DVL1: variants seen among roughly 807,000 people sequenced by gnomAD.
DVL1 encodes segment polarity protein dishevelled homolog DVL-1.
DVL1 carries 49 observed loss-of-function variants against 65.0 expected under a neutral mutation model. The ratio of observed to expected loss-of-function variants is 0.75; its 90% CI spans 0.60 to 0.96. The LOEUF (loss-of-function observed/expected upper bound fraction) is 0.96. Among genes scored for constraint, DVL1 ranks in the 40% least tolerant of loss-of-function variants. The probability of loss-of-function intolerance (pLI) is 0.00; values close to 1 mark genes in which losing one functional copy is unlikely to be tolerated. For synonymous variants in DVL1, 608 were observed against 433.9 expected (o/e 1.40, Z -4.99); for missense variants, 1,197 against 1,045.4 (o/e 1.15, Z -2.00).
intron 13 of DVL1, 40 bp downstream of exon 13, chr1:1,338,229 T>TGGCCGCCCC: frequency 1.3e-6 from 2 of 1,522,364 alleles, no homozygotes; most frequent in Non-Finnish European, 1.8e-6. Context: ...CCTCCGGCGT[T>TGGCCGCCCC]CCCCTCCCCC....
In DVL1 at chr1:1,337,997, G is replaced by A. The variant is rs1468367170; in HGVS notation, c.1694C>T (p.Thr565Ile). The change falls in exon 14 of 15, where the codon ACC (threonine) becomes ATC (isoleucine). Residue 565 changes from threonine (T) to isoleucine (I), a missense_variant. Thr to Ile is a moderately conservative substitution (Grantham distance 89). Coordinates refer to ENST00000378888, the MANE Select transcript of DVL1 (RefSeq NM_001330311.2). The part of the protein sequence containing the change: ...DPGFSYGSGS[T>I]GSQQSEGSKS... Reference sequence around the variant, plus strand: ...CTCACCTTCACTCTGCTGACTCCCGGTGCTGCCGCTGCCATAGCTAAAGCC... The same window carrying A: ...CTCACCTTCACTCTGCTGACTCCCGATGCTGCCGCTGCCATAGCTAAAGCC... 5 of 1,611,528 alleles carry A rather than the reference G, an allele frequency of 3.1e-6. No homozygotes were observed. The highest frequency in any genetic ancestry group is 1.3e-5 in the African/African-American group (1 of 74,880).
At chr1:1,346,455 G>A (rs1489534928) in intron 1 of DVL1, among the ~76,000 whole-genome samples, 1 of 152,202 alleles carries the variant, frequency 6.6e-6, no homozygotes, top group Admixed American at 6.5e-5. Flanking sequence ...GCCCAAGGCT[G>A]GGCGAGACCC....
At chr1:1,340,954 T>C (rs1376518370) in intron 5 of DVL1, among the ~76,000 whole-genome samples, 23 of 106,162 alleles carry the variant, frequency 2.2e-4, no homozygotes, top group African/African-American at 3.8e-5. Context: ...CACGCACCCC[T>C]GCACACTACA....
At position 1,338,391 on chromosome 1, in the gene DVL1, T is replaced by C. The variant is rs751504519; in HGVS notation, c.1385A>G (p.Lys462Arg). 4.3e-6 allele frequency: 7 copies of C among 1,612,576 alleles called. No homozygotes were observed. Among genetic ancestry groups the C allele is most frequent in the East Asian group, 4.5e-5 (2 of 44,884 alleles). ...DWLYTHVEGF[K>R]ERREARKYAS... The stretch of plus-strand genomic sequence containing the variant: ...GTACTTCCGGGCCTCCCGCCGCTCC[T>C]TGAAGCCCTCCACGTGTGTGTACAG... Residue 462 changes from lysine (K) to arginine (R), a missense_variant, in exon 13 of 15, where the codon AAG becomes AGG. Transcript: ENST00000378888.
rs1430413476 is a variant in DVL1 at position 1,342,103 on chromosome 1, G to A, written c.416C>T (p.Ser139Phe). Reference sequence around the variant, plus strand: ...ACGCTCCCGCCGGTGACTGACCATGGACTCCGTGCCTGTCTCGTTGTCCAT... The same window carrying A: ...ACGCTCCCGCCGGTGACTGACCATGAACTCCGTGCCTGTCTCGTTGTCCAT... The part of the protein sequence containing the change: ...DGMDNETGTE[S>F]MVSHRRERAR... The change falls in exon 4 of 15, where the codon TCC (serine) becomes TTC (phenylalanine). Residue 139 changes from serine (S) to phenylalanine (F), a missense_variant. By Grantham distance (155) the Ser-to-Phe change is radical. Transcript: ENST00000378888. 1.9e-6 allele frequency: 3 copies of A among 1,595,784 alleles called. No individual in the cohort carries two copies. Among genetic ancestry groups the A allele is most frequent in the South Asian group, 1.1e-5 (1 of 87,996 alleles).
Position 1,338,381 on chromosome 1 carries a change from C to T in DVL1, c.1395G>A (p.Arg465=), listed in dbSNP as rs1432626397. 2 of 1,612,714 alleles carry T rather than the reference C, an allele frequency of 1.2e-6. No individual in the cohort carries two copies. Among genetic ancestry groups the T allele is most frequent in the Admixed American group, 1.7e-5 (1 of 60,012 alleles). The change falls in exon 13 of 15, where the codon CGG becomes CGA. Residue 465 remains arginine (R), a synonymous_variant. Transcript: ENST00000378888. Reference sequence around the variant, plus strand: ...AGCTGCTGGCGTACTTCCGGGCCTCCCGCCGCTCCTTGAAGCCCTCCACGT... The same window carrying T: ...AGCTGCTGGCGTACTTCCGGGCCTCTCGCCGCTCCTTGAAGCCCTCCACGT... ...YTHVEGFKER[R]EARKYASSLL... is the part of the protein sequence containing the mutation.
intron 1 of DVL1, among the ~76,000 whole-genome samples, chr1:1,343,700 G>A (rs185378703): frequency 2.0e-3 from 302 of 152,106 alleles, no homozygotes; most frequent in African/African-American, 7.2e-3. Flanking sequence ...CACCTACAAG[G>A]ACTCTCAGAC....
chr1:1,336,091 G>A lies in DVL1; in HGVS notation c.*51C>T. The stretch of plus-strand genomic sequence containing the variant: ...CAAGCCCACGCGAGCTCTGCATGCG[G>A]CAGGACCGCCAGCTCCCCACCTCAG... On this transcript the variant is annotated 3_prime_UTR_variant, in exon 15 of 15. Transcript: ENST00000378888. 4 of 1,547,680 alleles carry A rather than the reference G, an allele frequency of 2.6e-6. No individual in the cohort carries two copies. The highest frequency in any genetic ancestry group is 3.5e-6 in the Non-Finnish European group (4 of 1,152,972).
Position 1,342,692 on chromosome 1 carries a change from G to C in DVL1, c.237C>G (p.Ser79=). ...KLPCFNGRVV[S]WLVLAEGAHS... is the part of the protein sequence containing the mutation. The stretch of plus-strand genomic sequence containing the variant: ...GGGCCAAGACACAGGGGCTCACCCA[G>C]GAGACCACGCGGCCGTTGAAGCAGG... The change falls in exon 2 of 15, where the codon TCC becomes TCG. Residue 79 remains serine (S), a synonymous_variant. Transcript: ENST00000378888. 6.2e-7 allele frequency: 1 copy of C among 1,613,004 alleles called. No individual in the cohort carries two copies. The highest frequency in any genetic ancestry group is 8.5e-7 in the Non-Finnish European group (1 of 1,179,742).
chr1:1,340,867 GCACAGGCACACATGCA>G (rs1268917062), intron 5 of DVL1, among the ~76,000 whole-genome samples: 1 of 120,924 alleles, frequency 8.3e-6, no homozygotes, highest in Non-Finnish European at 1.6e-5. Context: ...GCACCCCTGC[GCACAGGCACACATGCA>G]CACCCCTGCA....
At chr1:1,344,272 C>T (rs973556496) in intron 1 of DVL1, among the ~76,000 whole-genome samples, 2 of 152,214 alleles carry the variant, frequency 1.3e-5, no homozygotes, top group South Asian at 2.1e-4. Context: ...TTGGCCTGGC[C>T]GCACACCTGG....
Position 1,336,427 on chromosome 1 carries a change from G to A in DVL1, c.1803C>T (p.Gly601=). The A allele has an allele frequency of 6.3e-7, 1 of 1,593,598 alleles. No individual in the cohort carries two copies. Among genetic ancestry groups the A allele is most frequent in the Non-Finnish European group, 8.5e-7 (1 of 1,175,822 alleles). ...TCGGTGCCGTGTGATCCGATTCACT[G>A]CCACTGCCCCCAGCTCCCGCCGCCC... ...ERRAAGAGGS[G]SESDHTAPSG... is the part of the protein sequence containing the mutation. Residue 601 remains glycine (G), a synonymous_variant, in exon 15 of 15, where the codon GGC becomes GGT. Transcript: ENST00000378888.
At chr1:1,338,460 C>T (rs369983320) in intron 12 of DVL1, 24 bp from the exon 13 acceptor site, 23 of 1,608,688 alleles carry the variant, frequency 1.4e-5, no homozygotes, top group South Asian at 2.2e-5. Flanking sequence ...GCGGTCAGCC[C>T]GCAGCCTCGA....
At chr1:1,336,955 G>C in intron 14 of DVL1, 1 of 973,948 alleles carries the variant, frequency 1.0e-6, no homozygotes, top group Non-Finnish European at 1.2e-6. Context: ...AGACGCAGTG[G>C]GAGCTGGAGG....
At chr1:1,342,512 G>T (rs1173198677) in intron 2 of DVL1, 28 bp from the exon 3 acceptor site, 2 of 1,603,314 alleles carry the variant, frequency 1.2e-6, no homozygotes, top group Middle Eastern at 1.7e-4. Context: ...ATGCTCAGGG[G>T]AGCCCACCCG....
intron 5 of DVL1, among the ~76,000 whole-genome samples, 171 bp downstream of exon 5, chr1:1,341,496 C>G (rs1434861447): frequency 6.6e-6 from 1 of 151,898 alleles, no homozygotes; most frequent in African/African-American, 2.4e-5. Context: ...TCATGTGGAA[C>G]ACGTGCACAA....
At position 1,338,366 on chromosome 1, in the gene DVL1, G is replaced by A. The variant is rs750728883; in HGVS notation, c.1410C>T (p.Tyr470=). 1.9e-5 allele frequency: 30 copies of A among 1,612,492 alleles called. 1 individual carries two copies. In the East Asian group the frequency reaches 2.2e-4, roughly 12 times the overall value. The stretch of plus-strand genomic sequence containing the variant: ...AGCCGTGCTTCAGCAAGCTGCTGGC[G>A]TACTTCCGGGCCTCCCGCCGCTCCT... ...GFKERREARK[Y]ASSLLKHGFL... The change falls in exon 13 of 15, where the codon TAC becomes TAT. Residue 470 remains tyrosine, a synonymous_variant. Coordinates refer to ENST00000378888, the MANE Select transcript of DVL1 (RefSeq NM_001330311.2).
Position 1,339,623 on chromosome 1 carries a change from C to T in DVL1, c.1013G>A (p.Cys338Tyr). 1.2e-6 allele frequency: 2 copies of T among 1,608,904 alleles called. No homozygotes were observed. The change falls in exon 10 of 15, where the codon TGC (cysteine) becomes TAC (tyrosine). Residue 338 changes from cysteine (C) to tyrosine (Y), a missense_variant. Physicochemically the swap from Cys to Tyr is radical, Grantham distance 194. Coordinates refer to ENST00000378888, the MANE Select transcript of DVL1 (RefSeq NM_001330311.2). ...TGPISLTVAK[C>Y]WDPTPRSYFT... ...GTAGCTTCGGGGCGTTGGGTCCCAGCACTTGGCCACAGTGAGGCTGATGGG... is the reference window on the plus strand; with the variant it reads ...GTAGCTTCGGGGCGTTGGGTCCCAGTACTTGGCCACAGTGAGGCTGATGGG...
chr1:1,340,640 G>T, intron 5 of DVL1, 137 bp from the exon 6 acceptor site: 1 of 874,980 alleles, frequency 1.1e-6, no homozygotes, highest in South Asian at 1.7e-5. Flanking sequence ...TGACGTCCAC[G>T]CCCCAGGCCC....
Sources: gnomAD v4.1 joint callset for allele counts (sites outside exome capture counted in the v4.1 genomes callset) on GRCh38, gnomAD v4.1.1 for gene constraint, MANE v1.5 for transcripts, NCBI Gene and HGNC (gene_info 2026-07-23, HGNC 2026-07-21) for gene names.